MYO16: variants seen among roughly 807,000 people sequenced by gnomAD.
MYO16 encodes myosin XVI, also known as unconventional myosin-XVI.
A neutral mutation model predicts 205.3 loss-of-function variants in MYO16; 94 were observed. The ratio of observed to expected loss-of-function variants is 0.46; its 90% CI spans 0.39 to 0.54. MYO16 has a LOEUF of 0.54. MYO16 is among the 20% of genes least tolerant of loss of function. The probability of loss-of-function intolerance (pLI) is 0.00; values close to 1 mark genes in which losing one functional copy is unlikely to be tolerated. For missense variants in MYO16, 2,315 were observed against 2,387.5 expected, an observed-to-expected ratio of 0.97 and a Z score of 0.63; for synonymous variants, 988 against 954.0, an observed-to-expected ratio of 1.04 and a Z score of -0.66.
chr13:108,587,951 A>G, the MYO16 span, among the ~76,000 whole-genome samples: 1 of 152,206 alleles, frequency 6.6e-6, no homozygotes, highest in Non-Finnish European at 1.5e-5. Context: ...TTTTCTCCAA[A>G]ATAATATTTT....
chr13:109,019,998 G>C, intron 23 of MYO16, 87 bp downstream of exon 23: 1 of 1,348,414 alleles, frequency 7.4e-7, no homozygotes, highest in Non-Finnish European at 1.0e-6. Flanking sequence ...ATATTTTAAG[G>C]TGTGTTATTT....
the MYO16 span, among the ~76,000 whole-genome samples, chr13:108,587,142 T>G: frequency 2.6e-5 from 4 of 152,082 alleles, no homozygotes; most frequent in Non-Finnish European, 4.4e-5. Flanking sequence ...AAATGTAACC[T>G]TGTGTGGGAA....
chr13:108,734,184 A>T (rs1211903691), intron 4 of MYO16, among the ~76,000 whole-genome samples: 1 of 149,316 alleles, frequency 6.7e-6, no homozygotes, highest in Non-Finnish European at 1.5e-5. Flanking sequence ...CTTATTTAAT[A>T]TATAATATTG....
At chr13:108,628,554 G>T (rs550214799), upstream of MYO16, among the ~76,000 whole-genome samples, 26 of 152,142 alleles carry the variant, frequency 1.7e-4, no homozygotes, top group Non-Finnish European at 3.4e-4. Flanking sequence ...AGTGGTAGAA[G>T]CTGGATTTGA....
chr13:108,553,439 C>T, the MYO16 span, among the ~76,000 whole-genome samples: 1 of 152,158 alleles, frequency 6.6e-6, no homozygotes, highest in African/African-American at 2.4e-5. Context: ...CCCTGGGAAA[C>T]TTCCTTGACC....
At chr13:108,927,116 A>AAG (rs141822029) in intron 16 of MYO16, among the ~76,000 whole-genome samples, 9,027 of 149,452 alleles carry the variant, frequency 0.06, 318 homozygotes, top group Middle Eastern at 0.14. Flanking sequence ...TCAACAACTG[A>AAG]AGAGAGAGAG....
intron 16 of MYO16, among the ~76,000 whole-genome samples, chr13:108,931,246 C>CT (rs1882242377): frequency 6.6e-6 from 1 of 152,206 alleles, no homozygotes; most frequent in Non-Finnish European, 1.5e-5. Context: ...TTCTTTGTGT[C>CT]TATCTCTGTC....
intron 11 of MYO16, among the ~76,000 whole-genome samples, chr13:108,860,065 T>C (rs1179823854): frequency 6.6e-6 from 1 of 152,048 alleles, no homozygotes; most frequent in East Asian, 1.9e-4. Context: ...GTTATACAGG[T>C]AAACACGTGT....
chr13:108,537,307 A>G, the MYO16 span, among the ~76,000 whole-genome samples: 55 of 152,208 alleles, frequency 3.6e-4, no homozygotes, highest in Admixed American at 9.8e-4. Flanking sequence ...AGCTCCATTC[A>G]TGATGCTGCA....
chr13:108,726,698 A>G (rs932422134), intron 3 of MYO16, among the ~76,000 whole-genome samples: 1 of 152,136 alleles, frequency 6.6e-6, no homozygotes, highest in African/African-American at 2.4e-5. Context: ...AAGGTACAGG[A>G]CTCATCTAAG....
chr13:109,190,819 T>G (rs1879877804), intron 34 of MYO16, among the ~76,000 whole-genome samples: 1 of 152,188 alleles, frequency 6.6e-6, no homozygotes, highest in South Asian at 2.1e-4. Context: ...GGTTTGTAAC[T>G]CCATTCAATT....
intron 2 of MYO16, among the ~76,000 whole-genome samples, chr13:108,678,592 G>A (rs1409259834): frequency 6.6e-6 from 1 of 152,100 alleles, no homozygotes; most frequent in Non-Finnish European, 1.5e-5. Context: ...CAGGCTCAGA[G>A]GGTACATTTT....
At chr13:109,062,381 C>A (rs1887619893) in intron 27 of MYO16, among the ~76,000 whole-genome samples, 1 of 152,122 alleles carries the variant, frequency 6.6e-6, no homozygotes, top group East Asian at 1.9e-4. Flanking sequence ...AGTAATATTT[C>A]TGCATAACAG....
chr13:108,733,416 C>A (rs1164007466), intron 4 of MYO16, among the ~76,000 whole-genome samples: 1 of 152,136 alleles, frequency 6.6e-6, no homozygotes, highest in African/African-American at 2.4e-5. Flanking sequence ...AAGAACGAGG[C>A]AAATCTACAT....
chr13:108,754,122 A>ACTGTAGCATGCAGGACAAG (rs1885341197), intron 4 of MYO16, among the ~76,000 whole-genome samples: 2 of 151,228 alleles, frequency 1.3e-5, no homozygotes, highest in African/African-American at 4.9e-5. Context: ...TGCAGAACAA[A>ACTGTAGCATGCAGGACAAG]CTGTAGCATG....
At chr13:108,545,527 G>A in the MYO16 span, among the ~76,000 whole-genome samples, 2 of 152,128 alleles carry the variant, frequency 1.3e-5, no homozygotes, top group African/African-American at 4.8e-5. Context: ...CCCAGTAATT[G>A]GATTGCTGAC....
intron 30 of MYO16, among the ~76,000 whole-genome samples, chr13:109,126,936 G>T (rs541371539): frequency 1.3e-5 from 2 of 152,280 alleles, no homozygotes; most frequent in East Asian, 1.9e-4. Flanking sequence ...CTGGTTTTTT[G>T]ATTTGCTTAA....
In MYO16 at chr13:109,140,185, C is replaced by G. The variant is rs1407910995; in HGVS notation, c.4052-79C>G. The G allele has an allele frequency of 9.7e-6, 15 of 1,553,806 alleles. No individual in the cohort carries two copies. Among genetic ancestry groups the G allele is most frequent in the Non-Finnish European group, 1.3e-5 (15 of 1,159,508 alleles). ...TCTCGGGGCACGGGGCCGTGGCTCC[C>G]TCCGAGTCGAGCCCCGGGCTTGGTG... On this transcript the variant is annotated intron_variant, in intron 31 of 34. Coordinates refer to ENST00000457511, the MANE Select transcript of MYO16 (RefSeq NM_001198950.3). This position sits in a 1 kb window ranked among gnomAD's most constrained non-coding sequence, Gnocchi z 8.0.
chr13:108,624,505 C>T (rs934760533), intron 1 of MYO16, among the ~76,000 whole-genome samples: 2 of 152,228 alleles, frequency 1.3e-5, no homozygotes, highest in East Asian at 3.9e-4. Flanking sequence ...TTCTTATTCA[C>T]CATTAAGATA....
Sources: gnomAD v4.1 joint callset for allele counts (sites outside exome capture counted in the v4.1 genomes callset) on GRCh38, gnomAD v4.1.1 for gene constraint, Gnocchi (gnomAD v3.1) non-coding constraint, MANE v1.5 for transcripts, NCBI Gene and HGNC (gene_info 2026-07-23, HGNC 2026-07-21) for gene names.